Variants in ALCAM observed in about 807,000 individuals in gnomAD.
ALCAM encodes activated leukocyte cell adhesion molecule, also known as CD166 antigen.
Under a neutral mutation model 70.9 loss-of-function variants are expected in ALCAM, and 30 were observed. The ratio of observed to expected loss-of-function variants is 0.42; its 90% CI spans 0.32 to 0.57. The LOEUF is 0.57. ALCAM is among the 20% of genes least tolerant of loss of function. The probability of loss-of-function intolerance (pLI) is 0.11; values close to 1 mark genes in which losing one functional copy is unlikely to be tolerated. For synonymous variants in ALCAM, 249 were observed against 242.5 expected (o/e 1.03, Z -0.25); for missense variants, 591 against 695.1 (o/e 0.85, Z 1.68).
At chr3:105,456,895 A>C (rs894734726) in intron 1 of ALCAM, among the ~76,000 whole-genome samples, 4 of 152,238 alleles carry the variant, frequency 2.6e-5, no homozygotes, top group Admixed American at 6.5e-5. Flanking sequence ...GTTCAAAATT[A>C]ACCATTTAAA....
At chr3:105,565,270 A>T (rs936471988) in intron 14 of ALCAM, among the ~76,000 whole-genome samples, 1 of 152,212 alleles carries the variant, frequency 6.6e-6, no homozygotes, top group African/African-American at 2.4e-5. Context: ...CCTGGTATAC[A>T]TATATTAGAC....
At position 105,432,549 on chromosome 3, in the gene ALCAM, G is replaced by T. The variant is rs1023359095; in HGVS notation, c.73+65068G>T. On this transcript the variant is annotated intron_variant, in intron 1 of 15. Transcript: ENST00000306107. ...TGTAAAATTGGTTTAAAAGGTTTTTGTTTTTTTAATCTCTCTGATCCTCGG... is the reference window on the plus strand; with the variant it reads ...TGTAAAATTGGTTTAAAAGGTTTTTTTTTTTTTAATCTCTCTGATCCTCGG... Among the ~76,000 whole-genome samples, 121 of 151,976 alleles carry T rather than the reference G, an allele frequency of 8.0e-4. 1 individual carries two copies. The highest frequency in any genetic ancestry group is 2.8e-3 in the African/African-American group (117 of 41,450).
chr3:105,476,582 G>T (rs1399018230), intron 1 of ALCAM, among the ~76,000 whole-genome samples: 1 of 151,758 alleles, frequency 6.6e-6, no homozygotes, highest in Non-Finnish European at 1.5e-5. Flanking sequence ...GCCAGTTAAG[G>T]ATTATCCCTG....
chr3:105,519,728 C>T (rs528797681), intron 1 of ALCAM, among the ~76,000 whole-genome samples: 1 of 152,184 alleles, frequency 6.6e-6, no homozygotes, highest in South Asian at 2.1e-4. Context: ...GAAATTATTT[C>T]TATGAAATAC....
chr3:105,377,761 C>A (rs1451632208), intron 1 of ALCAM, among the ~76,000 whole-genome samples: 4 of 151,972 alleles, frequency 2.6e-5, no homozygotes, highest in Non-Finnish European at 5.9e-5. Context: ...TAAGCCATAA[C>A]CTCTTCCATT....
intron 1 of ALCAM, among the ~76,000 whole-genome samples, chr3:105,409,156 A>G (rs1423409509): frequency 6.6e-6 from 1 of 152,146 alleles, no homozygotes; most frequent in African/African-American, 2.4e-5. Flanking sequence ...CTTAAAAACT[A>G]AAAGTAGATC....
intron 6 of ALCAM, among the ~76,000 whole-genome samples, chr3:105,537,694 T>C (rs541017826): frequency 2.0e-5 from 3 of 152,118 alleles, no homozygotes; most frequent in Admixed American, 1.3e-4. Flanking sequence ...CCAGGAAGCT[T>C]CCTAGTCTCA....
chr3:105,430,675 T>A (rs532002391), intron 1 of ALCAM, among the ~76,000 whole-genome samples: 1 of 152,194 alleles, frequency 6.6e-6, no homozygotes, highest in South Asian at 2.1e-4. Context: ...CATTTTGTGG[T>A]CTTTAGAAGG....
At position 105,524,408 on chromosome 3, in the gene ALCAM, G is replaced by A. The variant is rs768329672; in HGVS notation, c.294G>A (p.Leu98=). Residue 98 remains leucine, a synonymous_variant, in exon 3 of 16, where the codon TTG becomes TTA. Transcript: ENST00000306107. ...TGAACCTCTCAGAAAACTACACTTT[G>A]TCTATCAGTAATGCAAGGATCAGTG... The part of the protein sequence containing the change: ...DRLNLSENYT[L]SISNARISDE... 2 of 1,614,148 alleles carry A rather than the reference G, an allele frequency of 1.2e-6. No individual in the cohort carries two copies. Among genetic ancestry groups the A allele is most frequent in the African/African-American group, 2.7e-5 (2 of 75,044 alleles).
intron 2 of ALCAM, among the ~76,000 whole-genome samples, chr3:105,523,937 G>A (rs559195572): frequency 2.6e-5 from 4 of 152,208 alleles, no homozygotes; most frequent in Admixed American, 1.3e-4. Flanking sequence ...TACCTGCCGT[G>A]ATGGTTATCT....
intron 1 of ALCAM, 22 bp from the exon 2 acceptor site, chr3:105,520,045 C>T (rs1939490880): frequency 7.2e-7 from 1 of 1,396,096 alleles, no homozygotes; most frequent in Non-Finnish European, 9.6e-7. Context: ...CTCTCTTCTT[C>T]CTTTTTTTTT....
At chr3:105,454,869 G>A (rs1003747685) in intron 1 of ALCAM, among the ~76,000 whole-genome samples, 36 of 151,178 alleles carry the variant, frequency 2.4e-4, no homozygotes, top group Non-Finnish European at 4.4e-4. Flanking sequence ...TAGTAGAGAC[G>A]GAGTTTCACC....
At position 105,547,221 on chromosome 3, in the gene ALCAM, G is replaced by C; in HGVS notation, c.1177G>C (p.Glu393Gln). The C allele has an allele frequency of 6.2e-7, 1 of 1,608,756 alleles. No individual in the cohort carries two copies. The highest frequency in any genetic ancestry group is 2.2e-5 in the East Asian group (1 of 44,772). Residue 393 changes from glutamate to glutamine, a missense_variant, in exon 10 of 16, where the codon GAA (glutamate) becomes CAA (glutamine). By Grantham distance (29) the Glu-to-Gln change is conservative (BLOSUM62 2). Coordinates refer to ENST00000306107, the MANE Select transcript of ALCAM (RefSeq NM_001627.4). Reference sequence around the variant, plus strand: ...TCAGGATGCTGGAAACTATGTCTGCGAAACTGCTCTGCAGGAGGTTGAAGG... The same window carrying C: ...TCAGGATGCTGGAAACTATGTCTGCCAAACTGCTCTGCAGGAGGTTGAAGG... ...HYQDAGNYVC[E>Q]TALQEVEGLK...
intron 1 of ALCAM, among the ~76,000 whole-genome samples, chr3:105,422,345 C>T (rs1936689817): frequency 6.6e-6 from 1 of 151,496 alleles, no homozygotes. Context: ...GATAAAAGTA[C>T]TTTAAAACAA....
intron 1 of ALCAM, among the ~76,000 whole-genome samples, chr3:105,382,241 C>T (rs1935541204): frequency 6.6e-6 from 1 of 151,988 alleles, no homozygotes; most frequent in African/African-American, 2.4e-5. Flanking sequence ...TTTCCAATTT[C>T]ATCCATGTCC....
intron 1 of ALCAM, among the ~76,000 whole-genome samples, chr3:105,419,767 C>T (rs1936598517): frequency 1.3e-5 from 2 of 151,656 alleles, no homozygotes; most frequent in African/African-American, 4.8e-5. Context: ...TTTGTTGTGG[C>T]CAAAATAAGC....
At chr3:105,374,999 C>G (rs751838250) in intron 1 of ALCAM, among the ~76,000 whole-genome samples, 2 of 152,174 alleles carry the variant, frequency 1.3e-5, no homozygotes, top group Non-Finnish European at 2.9e-5. Flanking sequence ...AAAGAAGCTT[C>G]TAAGTTTTCA....
At chr3:105,407,868 C>T (rs12695118) in intron 1 of ALCAM, among the ~76,000 whole-genome samples, 104,634 of 152,056 alleles carry the variant, frequency 0.69, 36,301 homozygotes, top group East Asian at 0.92. Flanking sequence ...AGTTTCAGGA[C>T]ACAAAATTAA....
chr3:105,388,683 C>T (rs932964050), intron 1 of ALCAM, among the ~76,000 whole-genome samples: 16 of 151,430 alleles, frequency 1.1e-4, no homozygotes, highest in Middle Eastern at 3.4e-3. Flanking sequence ...ACTAAATATT[C>T]GGTTATAGAA....
Sources: allele counts gnomAD v4.1 joint callset (sites outside exome capture counted in the v4.1 genomes callset), GRCh38; gene constraint gnomAD v4.1.1; transcripts MANE v1.5; gene names NCBI Gene and HGNC (gene_info 2026-07-23, HGNC 2026-07-21).